The following MACROD2 variants were observed in gnomAD, a reference collection of about 807,000 sequenced individuals.
MACROD2 encodes the protein mono-ADP ribosylhydrolase 2, also known as ADP-ribose glycohydrolase MACROD2.
MACROD2 carries 36 observed loss-of-function variants against 70.4 expected under a neutral mutation model. The ratio of observed to expected loss-of-function variants is 0.51; its 90% CI spans 0.39 to 0.68. The LOEUF (loss-of-function observed/expected upper bound fraction) is 0.68. Ranked by LOEUF, MACROD2 falls within the 30% of genes least tolerant of loss-of-function variation. MACROD2 has a pLI of 0.00. For synonymous variants in MACROD2, 172 were observed against 178.8 expected, an observed-to-expected ratio of 0.96 and a Z score of 0.30; for missense variants, 496 against 538.4, an observed-to-expected ratio of 0.92 and a Z score of 0.78.
chr20:14,128,199 TAAG>T, intron 3 of MACROD2: 1 of 384,988 alleles, frequency 2.6e-6, no homozygotes, highest in South Asian at 2.4e-5. Context: ...AACCAAATCC[TAAG>T]AAGATTTGGG....
At chr20:14,706,499 T>C (rs913206342) in intron 5 of MACROD2, among the ~76,000 whole-genome samples, 1 of 152,150 alleles carries the variant, frequency 6.6e-6, no homozygotes, top group African/African-American at 2.4e-5. Context: ...GAGGGTATTA[T>C]TACATATTTT....
chr20:14,907,868 G>T (rs977445108), intron 5 of MACROD2, among the ~76,000 whole-genome samples: 1 of 152,196 alleles, frequency 6.6e-6, no homozygotes, highest in East Asian at 1.9e-4. Context: ...TTATTTTGGG[G>T]ACACTTCCCC....
intron 4 of MACROD2, among the ~76,000 whole-genome samples, chr20:14,506,118 G>A (rs536841730): frequency 9.9e-5 from 15 of 152,206 alleles, no homozygotes; most frequent in South Asian, 2.1e-4. Flanking sequence ...TGATTAATAC[G>A]CCCTGAAGAG....
intron 6 of MACROD2, among the ~76,000 whole-genome samples, chr20:15,417,703 G>A (rs926107579): frequency 3.3e-5 from 5 of 151,708 alleles, no homozygotes; most frequent in Admixed American, 6.6e-5. Context: ...TGTTCGAAAT[G>A]CAAATTCTTG....
At chr20:15,909,770 G>A (rs983332527) in intron 10 of MACROD2, among the ~76,000 whole-genome samples, 3 of 151,992 alleles carry the variant, frequency 2.0e-5, no homozygotes, top group South Asian at 2.1e-4. Context: ...TGATCCGCCC[G>A]CCTCAGCCTC....
intron 5 of MACROD2, among the ~76,000 whole-genome samples, chr20:15,051,338 ATG>A (rs6147297): frequency 0.015 from 1,976 of 129,188 alleles, 19 homozygotes; most frequent in Non-Finnish European, 0.021. Context: ...TCAGTAGGAG[ATG>A]TGTGTGTGTG....
chr20:14,307,945 T>C (rs78687336), intron 3 of MACROD2, among the ~76,000 whole-genome samples: 2 of 152,164 alleles, frequency 1.3e-5, no homozygotes, highest in Admixed American at 1.3e-4. Context: ...ATTGTGTTCA[T>C]CTGCAAAGCA....
At chr20:15,792,625 A>C (rs1003536966) in intron 8 of MACROD2, among the ~76,000 whole-genome samples, 1 of 152,204 alleles carries the variant, frequency 6.6e-6, no homozygotes, top group Non-Finnish European at 1.5e-5. Flanking sequence ...TGTTTTAATC[A>C]ATCAGATTGA....
intron 6 of MACROD2, among the ~76,000 whole-genome samples, chr20:15,337,476 T>C (rs2078060841): frequency 6.6e-6 from 1 of 151,824 alleles, no homozygotes; most frequent in Non-Finnish European, 1.5e-5. Flanking sequence ...ATAAAGGTTT[T>C]ATTTATGTTT....
At chr20:14,050,049 G>A (rs1433598867) in intron 2 of MACROD2, among the ~76,000 whole-genome samples, 1 of 147,638 alleles carries the variant, frequency 6.8e-6, no homozygotes, top group Non-Finnish European at 1.5e-5. Context: ...TCGCACCATT[G>A]CACTCCAGCC....
chr20:15,181,951 T>G (rs1213319055), intron 5 of MACROD2, among the ~76,000 whole-genome samples: 1 of 152,304 alleles, frequency 6.6e-6, no homozygotes, highest in East Asian at 1.9e-4. Context: ...TTTCCTTTTG[T>G]TGAGAATCAA....
At chr20:14,466,084 T>C (rs965967194) in intron 3 of MACROD2, among the ~76,000 whole-genome samples, 1 of 152,132 alleles carries the variant, frequency 6.6e-6, no homozygotes, top group Non-Finnish European at 1.5e-5. Flanking sequence ...TTGGCCTGCC[T>C]TGCTAGATTG....
At chr20:14,252,321 T>A (rs2082019987) in intron 3 of MACROD2, among the ~76,000 whole-genome samples, 1 of 151,994 alleles carries the variant, frequency 6.6e-6, no homozygotes, top group Admixed American at 6.6e-5. Context: ...CTAATAATTA[T>A]CCTGACTATA....
chr20:14,239,825 A>T (rs2081913314), intron 3 of MACROD2, among the ~76,000 whole-genome samples: 1 of 152,208 alleles, frequency 6.6e-6, no homozygotes, highest in Non-Finnish European at 1.5e-5. Context: ...ACAAAAATTG[A>T]CAAATGGGAC....
intron 8 of MACROD2, among the ~76,000 whole-genome samples, chr20:15,829,935 A>G (rs1439431153): frequency 6.6e-6 from 1 of 152,220 alleles, no homozygotes; most frequent in Non-Finnish European, 1.5e-5. Flanking sequence ...AGGATGAAGA[A>G]AAAGACTTTG....
intron 7 of MACROD2, among the ~76,000 whole-genome samples, chr20:15,482,575 C>A (rs564318625): frequency 6.6e-6 from 1 of 152,076 alleles, no homozygotes; most frequent in Non-Finnish European, 1.5e-5. Context: ...CTCTTTTGTG[C>A]GAATACCAAG....
chr20:15,415,315 G>A (rs1298308670), intron 6 of MACROD2, among the ~76,000 whole-genome samples: 1 of 152,202 alleles, frequency 6.6e-6, no homozygotes, highest in Non-Finnish European at 1.5e-5. Flanking sequence ...TACATCTCTA[G>A]TGAAGAAGTC....
chr20:15,541,855 A>G (rs963454064), intron 8 of MACROD2, among the ~76,000 whole-genome samples: 3 of 152,182 alleles, frequency 2.0e-5, no homozygotes, highest in Admixed American at 6.5e-5. Flanking sequence ...CATGTAGCAT[A>G]CAGGCGCTCA....
intron 5 of MACROD2, among the ~76,000 whole-genome samples, chr20:14,801,038 T>C (rs6135263): frequency 0.072 from 10,931 of 152,224 alleles, 553 homozygotes; most frequent in East Asian, 0.17. Context: ...AGGGACTTTT[T>C]AGCACATAAT....
Sources: allele counts gnomAD v4.1 joint callset (sites outside exome capture counted in the v4.1 genomes callset), GRCh38; gene constraint gnomAD v4.1.1; transcripts MANE v1.5; gene names NCBI Gene and HGNC (gene_info 2026-07-23, HGNC 2026-07-21).